RFX3: variants seen among roughly 807,000 people sequenced by gnomAD.
The protein encoded by RFX3 is regulatory factor X3.
A neutral mutation model predicts 98.6 loss-of-function variants in RFX3; 14 were observed. That is an observed-to-expected ratio of 0.14 (90% CI 0.09 to 0.22). The LOEUF (loss-of-function observed/expected upper bound fraction) is 0.22. RFX3 is among the 10% of genes least tolerant of loss of function. The pLI is 1.00. For synonymous variants in RFX3, 383 were observed against 328.4 expected (o/e 1.17, Z -1.80); for missense variants, 639 against 926.9 (o/e 0.69, Z 4.03).
At chr9:3,423,658 C>T (rs1843649984) in intron 1 of RFX3, among the ~76,000 whole-genome samples, 1 of 151,346 alleles carries the variant, frequency 6.6e-6, no homozygotes, top group African/African-American at 2.4e-5. Flanking sequence ...AAGGGAGCTT[C>T]GGGAAGTATA....
intron 1 of RFX3, among the ~76,000 whole-genome samples, chr9:3,476,397 G>C (rs1298554663): frequency 6.6e-6 from 1 of 151,948 alleles, no homozygotes; most frequent in African/African-American, 2.4e-5. Context: ...ATCAAATATA[G>C]GGCACTGGAA....
intron 15 of RFX3, among the ~76,000 whole-genome samples, chr9:3,233,712 T>C (rs1818776943): frequency 6.6e-6 from 1 of 152,218 alleles, no homozygotes; most frequent in African/African-American, 2.4e-5. Context: ...TATCATTAAT[T>C]CTTTGTAAGC....
chr9:3,402,052 C>T (rs1841527597), intron 1 of RFX3, among the ~76,000 whole-genome samples: 2 of 152,174 alleles, frequency 1.3e-5, no homozygotes, highest in Admixed American at 1.3e-4. Flanking sequence ...TTAATACACT[C>T]AAATTCACAG....
intron 1 of RFX3, among the ~76,000 whole-genome samples, chr9:3,411,283 G>A (rs1477645271): frequency 6.6e-6 from 1 of 152,050 alleles, no homozygotes. Context: ...TTAAATGTAG[G>A]AGAGCAACCC....
chr9:3,374,180 G>T (rs903357829), intron 2 of RFX3, among the ~76,000 whole-genome samples: 1 of 152,154 alleles, frequency 6.6e-6, no homozygotes, highest in Admixed American at 6.5e-5. Context: ...GAAAATAAGT[G>T]TTGGTGAGGG....
chr9:3,369,154 G>C (rs904656009), intron 2 of RFX3, among the ~76,000 whole-genome samples: 2 of 152,196 alleles, frequency 1.3e-5, no homozygotes, highest in African/African-American at 2.4e-5. Context: ...GTTTTAGTCC[G>C]TTCAGTCTGC....
chr9:3,425,983 C>G (rs1413921654), intron 1 of RFX3, among the ~76,000 whole-genome samples: 1 of 152,122 alleles, frequency 6.6e-6, no homozygotes, highest in Non-Finnish European at 1.5e-5. Context: ...CTTAGCTTTT[C>G]ATACACAGTA....
At chr9:3,316,003 G>A (rs187793370) in intron 4 of RFX3, among the ~76,000 whole-genome samples, 27 of 152,234 alleles carry the variant, frequency 1.8e-4, no homozygotes, top group African/African-American at 6.0e-4. Context: ...GAAAAAGAGG[G>A]AATCCTCCCT....
At chr9:3,357,193 C>T (rs74321957) in intron 2 of RFX3, among the ~76,000 whole-genome samples, 4,108 of 151,988 alleles carry the variant, frequency 0.027, 81 homozygotes, top group East Asian at 0.074. Context: ...ATAACCAGGA[C>T]ACAAAATCAT....
chr9:3,514,011 T>C (rs1452058125), intron 1 of RFX3, among the ~76,000 whole-genome samples: 2 of 152,192 alleles, frequency 1.3e-5, no homozygotes, highest in Non-Finnish European at 2.9e-5. Context: ...CCTCCTATAA[T>C]TGGAATGAAT....
In RFX3 at chr9:3,462,520, G is replaced by A. The variant is rs116472275; in HGVS notation, c.-9+63227C>T. Among the ~76,000 whole-genome samples the A allele has an allele frequency of 8.0e-3, 1,216 of 152,036 alleles. 9 individuals are homozygous for A. The highest frequency in any genetic ancestry group is 0.012 in the Non-Finnish European group (842 of 67,858). On this transcript the variant is annotated intron_variant, in intron 1 of 16. Coordinates refer to ENST00000617270, the MANE Select transcript of RFX3 (RefSeq NM_001282116.2). ...TCCTCCCTCCCCATTTTTACTCAAC[G>A]CTGTAGGTCCTAACCAATGCAATAA...
At chr9:3,392,821 C>G (rs375264080) in intron 2 of RFX3, among the ~76,000 whole-genome samples, 2 of 151,906 alleles carry the variant, frequency 1.3e-5, no homozygotes, top group Admixed American at 6.6e-5. Flanking sequence ...GAAACACAGT[C>G]ATTAAATCTA....
At chr9:3,342,876 G>C (rs889629129) in intron 3 of RFX3, among the ~76,000 whole-genome samples, 15 of 152,176 alleles carry the variant, frequency 9.9e-5, no homozygotes, top group African/African-American at 3.4e-4. Context: ...AAATGATGTA[G>C]CATGGGTTCC....
intron 1 of RFX3, among the ~76,000 whole-genome samples, chr9:3,418,683 T>C (rs1326920523): frequency 1.3e-5 from 2 of 152,180 alleles, no homozygotes; most frequent in East Asian, 1.9e-4. Flanking sequence ...CCCGGCCAAA[T>C]ACTTGAAGCT....
chr9:3,469,845 C>CAA (rs762924935), intron 1 of RFX3, among the ~76,000 whole-genome samples: 10 of 92,224 alleles, frequency 1.1e-4, no homozygotes, highest in South Asian at 3.3e-4. Flanking sequence ...GACTCCGTCT[C>CAA]AAAAAAAAAA....
chr9:3,495,268 G>A (rs760168674), intron 1 of RFX3, among the ~76,000 whole-genome samples: 3 of 151,784 alleles, frequency 2.0e-5, no homozygotes, highest in Non-Finnish European at 4.4e-5. Context: ...TGTATGAATC[G>A]TCACTGAGCT....
intron 1 of RFX3, among the ~76,000 whole-genome samples, chr9:3,510,524 A>G (rs1287482052): frequency 1.3e-5 from 2 of 152,052 alleles, no homozygotes; most frequent in African/African-American, 2.4e-5. Flanking sequence ...GGTCAAATTT[A>G]AAACTAAACA....
intron 4 of RFX3, among the ~76,000 whole-genome samples, chr9:3,307,092 C>T (rs1829415695): frequency 6.6e-6 from 1 of 152,078 alleles, no homozygotes; most frequent in African/African-American, 2.4e-5. Flanking sequence ...CTGCCACCAT[C>T]CACATAAGAT....
At position 3,346,714 on chromosome 9, in the gene RFX3, C is replaced by A. The variant is rs1298565472; in HGVS notation, c.168G>T (p.Gln56His). The change falls in exon 3 of 17, where the codon CAG (glutamine) becomes CAT (histidine). Residue 56 changes from glutamine to histidine, a missense_variant. By Grantham distance (24) the Gln-to-His change is conservative (BLOSUM62 0). Coordinates refer to ENST00000617270, the MANE Select transcript of RFX3 (RefSeq NM_001282116.2). ...VQQVQHVYPA[Q>H]VQYVEGSDTV... The stretch of plus-strand genomic sequence containing the variant: ...TATCGCTTCCTTCCACATACTGCAC[C>A]TGAGCGGGATAGACATGTTGTACCT... The A allele has an allele frequency of 6.2e-7, 1 of 1,613,856 alleles. No individual in the cohort carries two copies. The highest frequency in any genetic ancestry group is 8.5e-7 in the Non-Finnish European group (1 of 1,179,792).
Sources: gnomAD v4.1 joint callset for allele counts (sites outside exome capture counted in the v4.1 genomes callset) on GRCh38, gnomAD v4.1.1 for gene constraint, MANE v1.5 for transcripts, NCBI Gene and HGNC (gene_info 2026-07-23, HGNC 2026-07-21) for gene names.